FAM117A: variants seen among roughly 807,000 people sequenced by gnomAD.
FAM117A encodes the protein family with sequence similarity 117 member A.
Under a neutral mutation model 44.1 loss-of-function variants are expected in FAM117A, and 21 were observed. The ratio of observed to expected loss-of-function variants is 0.48; its 90% confidence interval spans 0.34 to 0.69. FAM117A has a LOEUF of 0.69. FAM117A is among the 30% of genes least tolerant of loss of function. The pLI is 0.01. For missense variants in FAM117A, 498 were observed against 589.9 expected (o/e 0.84, Z 1.61); for synonymous variants, 220 against 238.3 (o/e 0.92, Z 0.71).
upstream of FAM117A, chr17:49,765,796 A>G (rs2073743963): frequency 6.6e-6 from 1 of 152,248 alleles, no homozygotes; most frequent in Non-Finnish European, 1.5e-5. Flanking sequence ...TTGAAAAAAG[A>G]TATCTTGCAT....
At chr17:49,722,438 TG>T in intron 3 of FAM117A, 60 bp downstream of exon 3, 1 of 1,367,342 alleles carries the variant, frequency 7.3e-7, no homozygotes, top group Non-Finnish European at 1.0e-6. Flanking sequence ...ATGCATTGCA[TG>T]GTACTAGGGG....
At chr17:49,782,560 C>T (rs925819235) in intron 1 of FAM117A, among the ~76,000 whole-genome samples, 5 of 147,336 alleles carry the variant, frequency 3.4e-5, no homozygotes, top group Non-Finnish European at 6.0e-5. Flanking sequence ...CATGGTGGCA[C>T]GCACCTGTAG....
At position 49,716,145 on chromosome 17, in the gene FAM117A, T is replaced by C; in HGVS notation, c.1061+20A>G. The C allele has an allele frequency of 5.8e-6, 5 of 868,482 alleles. No homozygotes were observed. Among genetic ancestry groups the C allele is most frequent in the East Asian group, 3.8e-5 (1 of 26,582 alleles). The allele number at this position is 868,482 out of a possible 1,614,324, so 53.8% of individuals were successfully genotyped here. ...AGGCCCACCCTCCCCTCCCACACCC[T>C]GTCCACTTGGTGTACTCACGTGGCT... On this transcript the variant is annotated intron_variant, in intron 7 of 7. Coordinates refer to ENST00000240364, the MANE Select transcript of FAM117A (RefSeq NM_030802.4).
In FAM117A at chr17:49,712,683, T is replaced by C. The variant is rs190789141; in HGVS notation, c.1062-1128A>G. On this transcript the variant is annotated intron_variant, in intron 7 of 7. Coordinates refer to ENST00000240364, the MANE Select transcript of FAM117A (RefSeq NM_030802.4). ...GAACCACCATGCCCAGCTAATTGCT[T>C]TACTTTTATTTTGTAGAGAAGGGGT... is the stretch of plus-strand genomic sequence containing the variant. 1.6e-3 allele frequency among the ~76,000 whole-genome samples: 239 copies of C among 152,128 alleles called. 1 individual carries two copies. The highest frequency in any genetic ancestry group is 5.3e-3 in the African/African-American group (219 of 41,506).
rs1312079842 is a variant in FAM117A at position 49,717,694 on chromosome 17, C to G, written c.729G>C (p.Gly243=). The change falls in exon 6 of 8, where the codon GGG becomes GGC. Residue 243 remains glycine, a synonymous_variant. Coordinates refer to ENST00000240364, the MANE Select transcript of FAM117A (RefSeq NM_030802.4). ...ELLRILDIPD[G]HRAPAPPQSG... ...TCTGGGGAGGAGCTGGGGCCCGGTGCCCATCAGGGATATCAAGGATCTAAC... is the reference window on the plus strand; with the variant it reads ...TCTGGGGAGGAGCTGGGGCCCGGTGGCCATCAGGGATATCAAGGATCTAAC... 11 of 1,610,104 alleles carry G rather than the reference C, an allele frequency of 6.8e-6. No individual in the cohort carries two copies. Among genetic ancestry groups the G allele is most frequent in the Non-Finnish European group, 9.3e-6 (11 of 1,177,510 alleles).
chr17:49,782,484 G>GT (rs2073792649), intron 1 of FAM117A, among the ~76,000 whole-genome samples: 2 of 151,236 alleles, frequency 1.3e-5, no homozygotes, highest in Non-Finnish European at 1.5e-5. Flanking sequence ...GAGACCACGA[G>GT]TTTGAGACCA....
chr17:49,755,789 C>T (rs572072860), intron 1 of FAM117A, among the ~76,000 whole-genome samples: 1 of 152,102 alleles, frequency 6.6e-6, no homozygotes, highest in African/African-American at 2.4e-5. Context: ...ATGTGGGGAC[C>T]AGAAGTGGGA....
At chr17:49,736,181 T>G (rs1292265642) in intron 1 of FAM117A, among the ~76,000 whole-genome samples, 2 of 152,162 alleles carry the variant, frequency 1.3e-5, no homozygotes, top group Admixed American at 6.5e-5. Context: ...TCTTTCCAAA[T>G]CAATATATAT....
chr17:49,719,324 G>A (rs1471038096), intron 5 of FAM117A, among the ~76,000 whole-genome samples: 1 of 152,162 alleles, frequency 6.6e-6, no homozygotes, highest in Non-Finnish European at 1.5e-5. Flanking sequence ...TGGGAGTGGA[G>A]TCGGGGAGAA....
chr17:49,764,451 CA>C (rs1369040395), upstream of FAM117A, among the ~76,000 whole-genome samples: 1 of 146,314 alleles, frequency 6.8e-6, no homozygotes, highest in African/African-American at 2.5e-5. Flanking sequence ...AGGTAGTATG[CA>C]AATATAATGT....
At chr17:49,717,362 T>C (rs181304185) in intron 6 of FAM117A, 151 bp downstream of exon 6, 10 of 615,880 alleles carry the variant, frequency 1.6e-5, no homozygotes, top group East Asian at 2.8e-5. Context: ...ATTATTATCA[T>C]TGGTATAATG....
chr17:49,788,094 G>A (rs543198287), intron 1 of FAM117A, among the ~76,000 whole-genome samples: 1 of 152,276 alleles, frequency 6.6e-6, no homozygotes, highest in South Asian at 2.1e-4. Flanking sequence ...TCCTCCCCGC[G>A]ACATCAACTA....
At chr17:49,770,227 G>A (rs551831371) in intron 1 of FAM117A, among the ~76,000 whole-genome samples, 3 of 134,648 alleles carry the variant, frequency 2.2e-5, no homozygotes, top group South Asian at 2.4e-4. Context: ...CTGAGATCGC[G>A]CCACTGCACT....
chr17:49,737,361 T>C (rs1490337953), intron 1 of FAM117A, among the ~76,000 whole-genome samples: 1 of 152,216 alleles, frequency 6.6e-6, no homozygotes, highest in African/African-American at 2.4e-5. Flanking sequence ...AAACTGTCTA[T>C]TAGAGTCCAG....
chr17:49,735,181 TA>T (rs2073605207), intron 1 of FAM117A, among the ~76,000 whole-genome samples: 2 of 151,656 alleles, frequency 1.3e-5, no homozygotes. Context: ...TTTACTACAA[TA>T]AAAAAAAGGA....
At chr17:49,745,187 G>A (rs1385237222) in intron 1 of FAM117A, among the ~76,000 whole-genome samples, 3 of 152,078 alleles carry the variant, frequency 2.0e-5, no homozygotes, top group South Asian at 2.1e-4. Context: ...ACCTACAAAC[G>A]TTGACAGAAT....
chr17:49,780,962 C>CT (rs2073787935), intron 1 of FAM117A, among the ~76,000 whole-genome samples: 1 of 152,188 alleles, frequency 6.6e-6, no homozygotes, highest in Admixed American at 6.5e-5. Flanking sequence ...TCCCAGGTAG[C>CT]TGAGATTATA....
At chr17:49,723,853 C>T (rs764489418) in intron 2 of FAM117A, among the ~76,000 whole-genome samples, 1 of 152,126 alleles carries the variant, frequency 6.6e-6, no homozygotes, top group Admixed American at 6.5e-5. Context: ...TACTGGGCCA[C>T]GCAACATAGC....
chr17:49,719,781 C>T lies in FAM117A; in HGVS notation c.687G>A (p.Gln229=). The change falls in exon 5 of 8, where the codon CAG becomes CAA. Residue 229 remains glutamine, a synonymous_variant. Transcript: ENST00000240364. ...TCACCCTCAGCAGCTCCTCTTCTCCCTGCTCCTTCACAAATACCTCCTCCA... is the reference window on the plus strand; with the variant it reads ...TCACCCTCAGCAGCTCCTCTTCTCCTTGCTCCTTCACAAATACCTCCTCCA... ...QELEEVFVKE[Q]GEEELLRILD... 2 of 1,597,162 alleles carry T rather than the reference C, an allele frequency of 1.3e-6. No individual in the cohort carries two copies. The highest frequency in any genetic ancestry group is 2.3e-5 in the South Asian group (2 of 88,788).
Sources: allele counts gnomAD v4.1 joint callset (sites outside exome capture counted in the v4.1 genomes callset), GRCh38; gene constraint gnomAD v4.1.1; transcripts MANE v1.5; gene names NCBI Gene and HGNC (gene_info 2026-07-23, HGNC 2026-07-21).